Variants in CHRM2 observed in about 807,000 individuals in gnomAD.
CHRM2 encodes the protein muscarinic acetylcholine receptor M2.
Under a neutral mutation model 25.0 loss-of-function variants are expected in CHRM2, and 8 were observed. The ratio of observed to expected loss-of-function variants is 0.32; its 90% CI spans 0.19 to 0.58. CHRM2 has a LOEUF of 0.58. Ranked by LOEUF, CHRM2 falls within the 20% of genes least tolerant of loss-of-function variation. The probability of loss-of-function intolerance (pLI) is 0.88; values close to 1 mark genes in which losing one functional copy is unlikely to be tolerated. For missense variants in CHRM2, 440 were observed against 567.1 expected (o/e 0.78, Z 2.28); for synonymous variants, 202 against 205.7 (o/e 0.98, Z 0.15).
intron 2 of CHRM2, among the ~76,000 whole-genome samples, chr7:136,927,273 C>G (rs1798801042): frequency 1.3e-5 from 2 of 152,108 alleles, no homozygotes; most frequent in South Asian, 2.1e-4. Flanking sequence ...GGCTCTTGGG[C>G]CCAGAAACCT....
At chr7:136,949,143 T>C (rs1198956625) in intron 2 of CHRM2, among the ~76,000 whole-genome samples, 5 of 152,136 alleles carry the variant, frequency 3.3e-5, no homozygotes, top group Admixed American at 3.3e-4. Flanking sequence ...AAGAGGCCTG[T>C]AATATAGAAG....
intron 2 of CHRM2, among the ~76,000 whole-genome samples, chr7:136,932,452 G>T (rs1799162350): frequency 6.6e-6 from 1 of 152,132 alleles, no homozygotes; most frequent in South Asian, 2.1e-4. Context: ...ATCTTTTCTA[G>T]TCAGACAGAA....
At chr7:136,940,842 T>C in intron 2 of CHRM2, among the ~76,000 whole-genome samples, 1 of 152,198 alleles carries the variant, frequency 6.6e-6, no homozygotes. Context: ...AGGTGTTTTC[T>C]TGGCTTTGAA....
intron 2 of CHRM2, among the ~76,000 whole-genome samples, chr7:136,934,359 C>CTTCA (rs1274011745): frequency 1.3e-5 from 2 of 152,042 alleles, no homozygotes. Context: ...CACAGAGATA[C>CTTCA]TTCATGTCAT....
At chr7:136,986,422 A>G (rs1035555350) in intron 2 of CHRM2, among the ~76,000 whole-genome samples, 9 of 152,202 alleles carry the variant, frequency 5.9e-5, no homozygotes, top group African/African-American at 2.2e-4. Flanking sequence ...ATTCTAAGCT[A>G]TAAGCTCTCA....
Position 137,016,110 on chromosome 7 carries a change from T to G in CHRM2, c.1245T>G (p.Pro415=), listed in dbSNP as rs1387266775. The stretch of plus-strand genomic sequence containing the variant: ...TGCTCATTAACACCTTTTGTGCACC[T>G]TGCATCCCCAACACTGTGTGGACAA... ...VMVLINTFCA[P]CIPNTVWTIG... is the part of the protein sequence containing the mutation. The change falls in exon 4 of 4, where the codon CCT becomes CCG. Residue 415 remains proline (P), a synonymous_variant. Transcript: ENST00000680005. The G allele has an allele frequency of 6.2e-6, 10 of 1,612,318 alleles. No homozygotes were observed. Among genetic ancestry groups the G allele is most frequent in the Non-Finnish European group, 8.5e-6 (10 of 1,178,996 alleles).
At chr7:136,959,366 G>A (rs986441464) in intron 2 of CHRM2, among the ~76,000 whole-genome samples, 16 of 152,278 alleles carry the variant, frequency 1.1e-4, no homozygotes, top group South Asian at 8.3e-4. Context: ...CAAGAAATGC[G>A]TTTATTGAGA....
At chr7:136,874,470 T>C (rs1795966370) in intron 2 of CHRM2, among the ~76,000 whole-genome samples, 1 of 152,076 alleles carries the variant, frequency 6.6e-6, no homozygotes, top group Non-Finnish European at 1.5e-5. Flanking sequence ...GGGTACACAC[T>C]AAAAACTCAG....
At chr7:136,952,081 C>T (rs918020130) in intron 2 of CHRM2, among the ~76,000 whole-genome samples, 1 of 152,132 alleles carries the variant, frequency 6.6e-6, no homozygotes. Flanking sequence ...GGGAGCAGAA[C>T]ACAACTTATT....
intron 2 of CHRM2, among the ~76,000 whole-genome samples, chr7:136,922,828 AT>A (rs1798524682): frequency 6.6e-6 from 1 of 152,090 alleles, no homozygotes; most frequent in African/African-American, 2.4e-5. Context: ...CTTTCTTTGC[AT>A]TTTTATGCTG....
At chr7:136,876,380 T>TA (rs1420780576) in intron 2 of CHRM2, among the ~76,000 whole-genome samples, 2 of 152,150 alleles carry the variant, frequency 1.3e-5, no homozygotes, top group Non-Finnish European at 2.9e-5. Context: ...AATATACACT[T>TA]ACATTTGTAT....
At chr7:136,931,815 T>C (rs1563073834) in intron 2 of CHRM2, among the ~76,000 whole-genome samples, 1 of 152,232 alleles carries the variant, frequency 6.6e-6, no homozygotes, top group Admixed American at 6.5e-5. Flanking sequence ...AAAAATACAC[T>C]TTGAATCCAG....
intron 3 of CHRM2, among the ~76,000 whole-genome samples, chr7:136,993,454 A>G (rs905911415): frequency 6.6e-6 from 1 of 152,146 alleles, no homozygotes; most frequent in Non-Finnish European, 1.5e-5. Flanking sequence ...AAAAATTGTT[A>G]GTTTTTCTCA....
intron 2 of CHRM2, among the ~76,000 whole-genome samples, chr7:136,896,583 C>T (rs1055849705): frequency 6.6e-6 from 1 of 151,858 alleles, no homozygotes; most frequent in Admixed American, 6.6e-5. Flanking sequence ...TGTGTGTTTT[C>T]ATATGTGCAC....
At chr7:136,957,006 A>T (rs1291901711) in intron 2 of CHRM2, among the ~76,000 whole-genome samples, 1 of 152,032 alleles carries the variant, frequency 6.6e-6, no homozygotes, top group African/African-American at 2.4e-5. Context: ...GACTCCCCCT[A>T]CTCCAAGGCC....
chr7:137,009,171 C>T (rs997235464), intron 3 of CHRM2, among the ~76,000 whole-genome samples: 1 of 152,128 alleles, frequency 6.6e-6, no homozygotes, highest in Non-Finnish European at 1.5e-5. Flanking sequence ...CCTGCCTGAC[C>T]TCAGCAGTGT....
rs117420092 is a variant in CHRM2 at position 136,952,186 on chromosome 7, C to T, written c.-124-40001C>T. On this transcript the variant is annotated intron_variant, in intron 2 of 3. Transcript: ENST00000680005. ...GAAGATATCCACAATACCTTTCCAACATTTGGAACAGGACAAATAATTATG... is the reference window on the plus strand; with the variant it reads ...GAAGATATCCACAATACCTTTCCAATATTTGGAACAGGACAAATAATTATG... 8.3e-4 allele frequency among the ~76,000 whole-genome samples: 127 copies of T among 152,288 alleles called. No homozygotes were observed. The East Asian group carries it at 0.02, about 24-fold the overall frequency.
chr7:136,960,618 C>T (rs1214316959), intron 2 of CHRM2, among the ~76,000 whole-genome samples: 1 of 152,162 alleles, frequency 6.6e-6, no homozygotes, highest in East Asian at 1.9e-4. Flanking sequence ...AAGTGAACAA[C>T]TTAACTATAA....
intron 2 of CHRM2, among the ~76,000 whole-genome samples, chr7:136,922,537 A>C (rs112554740): frequency 1.3e-5 from 2 of 152,068 alleles, no homozygotes; most frequent in Non-Finnish European, 2.9e-5. Context: ...ATATCTTTCC[A>C]TACTCTATGT....
Sources: allele counts gnomAD v4.1 joint callset (sites outside exome capture counted in the v4.1 genomes callset), GRCh38; gene constraint gnomAD v4.1.1; transcripts MANE v1.5; gene names NCBI Gene and HGNC (gene_info 2026-07-23, HGNC 2026-07-21).